PDE4D: variants seen among roughly 807,000 people sequenced by gnomAD.
The protein encoded by PDE4D is 3',5'-cyclic-AMP phosphodiesterase 4D.
PDE4D carries 24 observed loss-of-function variants against 87.4 expected under a neutral mutation model. The observed-to-expected ratio is 0.27, with a 90% CI of 0.20 to 0.39. PDE4D has a LOEUF of 0.39. Ranked by LOEUF, PDE4D falls within the 10% of genes least tolerant of loss-of-function variation. The probability of loss-of-function intolerance (pLI) is 1.00; values close to 1 mark genes in which losing one functional copy is unlikely to be tolerated. For missense variants in PDE4D, 714 were observed against 1,041.0 expected (o/e 0.69, Z 4.32); for synonymous variants, 384 against 383.2 (o/e 1.00, Z -0.02).
intron 1 of PDE4D, among the ~76,000 whole-genome samples, chr5:59,675,528 C>CA (rs1157680743): frequency 1.3e-5 from 2 of 152,294 alleles, no homozygotes; most frequent in East Asian, 3.9e-4. Flanking sequence ...GACCTGGGTT[C>CA]AAATCCTAAC....
At chr5:59,464,935 A>G (rs1371555952) in intron 1 of PDE4D, among the ~76,000 whole-genome samples, 1 of 152,210 alleles carries the variant, frequency 6.6e-6, no homozygotes, top group Non-Finnish European at 1.5e-5. Flanking sequence ...TATGGGCCTC[A>G]CTTTTCCACC....
intron 2 of PDE4D, among the ~76,000 whole-genome samples, chr5:60,028,214 TTCTTCTA>T (rs1484088770): frequency 6.6e-6 from 1 of 152,180 alleles, no homozygotes; most frequent in Non-Finnish European, 1.5e-5. Context: ...CTTTGCCTTT[TTCTTCTA>T]TCTTTTCTGT....
At chr5:60,228,783 G>C in intron 1 of PDE4D, among the ~76,000 whole-genome samples, 1 of 151,878 alleles carries the variant, frequency 6.6e-6, no homozygotes, top group East Asian at 1.9e-4. Context: ...AAAGAGAGAG[G>C]CCCAGAAACT....
intron 1 of PDE4D, among the ~76,000 whole-genome samples, chr5:60,484,538 C>T (rs554690264): frequency 2.0e-5 from 3 of 152,240 alleles, no homozygotes; most frequent in African/African-American, 7.2e-5. Context: ...ACGACTATGG[C>T]ACATGGAAGT....
chr5:60,498,728 T>G (rs984988104), intron 1 of PDE4D, among the ~76,000 whole-genome samples: 2 of 152,186 alleles, frequency 1.3e-5, no homozygotes, highest in Admixed American at 1.3e-4. Flanking sequence ...ATCAGCTTGT[T>G]TTTTTTAATC....
At chr5:58,998,841 T>C (rs1480100178) in intron 6 of PDE4D, among the ~76,000 whole-genome samples, 2 of 152,186 alleles carry the variant, frequency 1.3e-5, no homozygotes, top group Non-Finnish European at 2.9e-5. Flanking sequence ...AGGATCACAA[T>C]GCTAATGTTA....
chr5:60,037,810 C>T lies in PDE4D; in HGVS notation c.43-49093G>A, dbSNP rs550006282. On this transcript the variant is annotated intron_variant, in intron 2 of 16. Coordinates refer to the PDE4D transcript ENST00000502484. ...CATAAGCAGACAACTTTTATTCTGA[C>T]ACTTTTTATTTTTAAAGTGATTTCC... Among the ~76,000 whole-genome samples the T allele has an allele frequency of 4.6e-5, 7 of 152,292 alleles. No individual in the cohort carries two copies. In the South Asian group the frequency reaches 1.5e-3, roughly 32 times the overall value.
intron 3 of PDE4D, among the ~76,000 whole-genome samples, chr5:59,961,196 A>C (rs1423976015): frequency 3.3e-5 from 5 of 152,062 alleles, no homozygotes; most frequent in African/African-American, 4.8e-5. Flanking sequence ...AAAGATTTTG[A>C]GATAAGATCA....
chr5:59,415,993 C>A (rs754229369), intron 1 of PDE4D, among the ~76,000 whole-genome samples: 14 of 152,224 alleles, frequency 9.2e-5, no homozygotes, highest in Non-Finnish European at 1.9e-4. Flanking sequence ...TAGGCTATTC[C>A]TTTCCTAACT....
chr5:60,044,801 T>C (rs1322585185), intron 2 of PDE4D, among the ~76,000 whole-genome samples: 5 of 152,198 alleles, frequency 3.3e-5, no homozygotes, highest in Non-Finnish European at 4.4e-5. Flanking sequence ...TCTTTGCTAT[T>C]GTGAATAATG....
At chr5:59,320,900 G>A (rs749221110) in intron 1 of PDE4D, among the ~76,000 whole-genome samples, 30 of 151,946 alleles carry the variant, frequency 2.0e-4, no homozygotes, top group Middle Eastern at 3.4e-3. Context: ...GCTTTTTGTT[G>A]TTTTCTCATT....
chr5:59,757,545 G>T (rs1014676996), intron 1 of PDE4D, among the ~76,000 whole-genome samples: 2 of 152,178 alleles, frequency 1.3e-5, no homozygotes, highest in Admixed American at 1.3e-4. Context: ...TTTGAGGTAA[G>T]ATGGGTCTTG....
chr5:60,440,768 G>A (rs1745143208), intron 1 of PDE4D, among the ~76,000 whole-genome samples: 1 of 152,098 alleles, frequency 6.6e-6, no homozygotes, highest in Non-Finnish European at 1.5e-5. Context: ...TTTACTATGT[G>A]CAGGATAATC....
At chr5:60,518,258 G>A (rs947250960) in intron 1 of PDE4D, among the ~76,000 whole-genome samples, 4 of 152,250 alleles carry the variant, frequency 2.6e-5, no homozygotes, top group African/African-American at 4.8e-5. Flanking sequence ...GGCCAGTAGC[G>A]TGAGCCCAGC....
At chr5:59,805,451 G>GTGT (rs1767630001) in intron 1 of PDE4D, among the ~76,000 whole-genome samples, 1 of 152,182 alleles carries the variant, frequency 6.6e-6, no homozygotes, top group Non-Finnish European at 1.5e-5. Flanking sequence ...TGAGCCAAGT[G>GTGT]TGTTCACTTA....
At chr5:59,948,788 T>C (rs1757967113) in intron 3 of PDE4D, among the ~76,000 whole-genome samples, 1 of 152,166 alleles carries the variant, frequency 6.6e-6, no homozygotes, top group Admixed American at 6.5e-5. Context: ...GATAACTTAG[T>C]ATAAAGGAGG....
intron 4 of PDE4D, among the ~76,000 whole-genome samples, chr5:59,180,906 G>C (rs1336999653): frequency 6.6e-6 from 1 of 152,142 alleles, no homozygotes; most frequent in African/African-American, 2.4e-5. Context: ...GTGTCACTGG[G>C]ACATGAGAGA....
intron 1 of PDE4D, among the ~76,000 whole-genome samples, chr5:59,809,768 C>G (rs547885483): frequency 6.6e-6 from 1 of 152,248 alleles, no homozygotes; most frequent in Admixed American, 6.5e-5. Flanking sequence ...TCAATTCCAT[C>G]AAGCAGTCTT....
At chr5:59,130,469 A>G (rs1776111316) in intron 5 of PDE4D, among the ~76,000 whole-genome samples, 1 of 152,254 alleles carries the variant, frequency 6.6e-6, no homozygotes, top group African/African-American at 2.4e-5. Context: ...TAATAACAAA[A>G]TTTATCAAAA....
Sources: gnomAD v4.1 joint callset for allele counts (sites outside exome capture counted in the v4.1 genomes callset) on GRCh38, gnomAD v4.1.1 for gene constraint, MANE v1.5 for transcripts, NCBI Gene and HGNC (gene_info 2026-07-23, HGNC 2026-07-21) for gene names.